The following SCARA5 variants were observed in gnomAD, a reference collection of about 807,000 sequenced individuals.
The protein encoded by SCARA5 is scavenger receptor class A, member 5 (putative).
A neutral mutation model predicts 46.3 loss-of-function variants in SCARA5; 45 were observed. That is an observed-to-expected ratio of 0.97 (90% confidence interval 0.76 to 1.24). The LOEUF is 1.24. SCARA5 is among the 50% of genes most tolerant of loss of function. The pLI is 0.00. For synonymous variants in SCARA5, 333 were observed against 306.5 expected (o/e 1.09, Z -0.90); for missense variants, 680 against 689.0 (o/e 0.99, Z 0.15).
chr8:27,917,422 A>G (rs1256497877), intron 4 of SCARA5, among the ~76,000 whole-genome samples: 2 of 152,188 alleles, frequency 1.3e-5, no homozygotes, highest in Admixed American at 1.3e-4. Flanking sequence ...GAGAGGGTAC[A>G]TTAGCAGGAG....
intron 3 of SCARA5, among the ~76,000 whole-genome samples, chr8:27,942,754 C>T (rs923890431): frequency 1.3e-5 from 2 of 151,768 alleles, no homozygotes; most frequent in African/African-American, 4.8e-5. Context: ...GGTTGGAGGG[C>T]TGGAAAAAAA....
At chr8:27,897,394 T>G (rs890142491) in intron 7 of SCARA5, among the ~76,000 whole-genome samples, 1 of 152,248 alleles carries the variant, frequency 6.6e-6, no homozygotes, top group Admixed American at 6.5e-5. Context: ...AAATAAACAG[T>G]CAAACCACTC....
intron 8 of SCARA5, among the ~76,000 whole-genome samples, chr8:27,872,832 G>T (rs1018605245): frequency 2.0e-5 from 3 of 152,202 alleles, no homozygotes; most frequent in African/African-American, 7.2e-5. Context: ...GCCCAAATAC[G>T]TATATAGGAT....
chr8:27,907,039 C>A, intron 6 of SCARA5, 109 bp downstream of exon 6: 1 of 704,778 alleles, frequency 1.4e-6, no homozygotes, highest in South Asian at 2.3e-5. Context: ...CAAGGTTGCC[C>A]CGCTGGTCCG....
intron 2 of SCARA5, 112 bp downstream of exon 2, chr8:27,987,392 C>A (rs1808719798): frequency 1.4e-6 from 1 of 737,656 alleles, no homozygotes; most frequent in Non-Finnish European, 2.5e-6. Flanking sequence ...TGCACTATTA[C>A]ATGAGGAGGT....
Position 27,871,777 on chromosome 8 carries a change from G to T in SCARA5, c.*157C>A. 6 of 1,470,350 alleles carry T rather than the reference G, an allele frequency of 4.1e-6. No individual in the cohort carries two copies. In the South Asian group the frequency reaches 8.3e-5, roughly 20 times the overall value. 91.1% of individuals were successfully genotyped at this position (1,470,350 alleles called of 1,614,324 possible). On this transcript the variant is annotated 3_prime_UTR_variant, in exon 9 of 9. Transcript: ENST00000354914. ...AGCACATGTTCAAGAGGGAAATGAC[G>T]ACCGGCCCCCACGGTCCTGGGATGC...
chr8:27,886,766 G>C (rs1320939052), intron 7 of SCARA5, among the ~76,000 whole-genome samples: 1 of 152,170 alleles, frequency 6.6e-6, no homozygotes, highest in Non-Finnish European at 1.5e-5. Context: ...TCTGCCCCAG[G>C]TCAAAGCTTT....
chr8:27,959,336 G>A (rs1418124144), intron 3 of SCARA5, among the ~76,000 whole-genome samples: 1 of 152,246 alleles, frequency 6.6e-6, no homozygotes, highest in East Asian at 1.9e-4. Flanking sequence ...CACCCCAGGA[G>A]TGGTGTCTAA....
At chr8:27,956,251 C>T (rs1294181277) in intron 3 of SCARA5, among the ~76,000 whole-genome samples, 1 of 152,104 alleles carries the variant, frequency 6.6e-6, no homozygotes, top group Non-Finnish European at 1.5e-5. Flanking sequence ...CACCATTACG[C>T]AATATACCCA....
chr8:27,915,344 G>A (rs1037852671), intron 4 of SCARA5, among the ~76,000 whole-genome samples: 6 of 152,176 alleles, frequency 3.9e-5, no homozygotes, highest in African/African-American at 9.7e-5. Flanking sequence ...GGTGGTGGGC[G>A]GGGCTGGGGG....
chr8:27,973,474 C>T (rs1195779890), intron 2 of SCARA5, among the ~76,000 whole-genome samples: 1 of 152,114 alleles, frequency 6.6e-6, no homozygotes, highest in East Asian at 1.9e-4. Context: ...GAGACTCTGT[C>T]TCAAATAAAT....
chr8:27,871,379 G>T lies in SCARA5; in HGVS notation c.*555C>A. 1 of 958,238 alleles carries T rather than the reference G, an allele frequency of 1.0e-6. No homozygotes were observed. The allele number at this position is 958,238 out of a possible 1,614,324, so 59.4% of individuals were successfully genotyped here. On this transcript the variant is annotated 3_prime_UTR_variant, in exon 9 of 9. Transcript: ENST00000354914. The stretch of plus-strand genomic sequence containing the variant: ...CTTGCATTTCCCTCTTGCCCCTACA[G>T]CTGGCTTCTCCTCTATGTCACTTCC...
chr8:27,976,734 A>G (rs981993305), intron 2 of SCARA5, among the ~76,000 whole-genome samples: 1 of 152,136 alleles, frequency 6.6e-6, no homozygotes, highest in African/African-American at 2.4e-5. Context: ...CGTGTCCCTG[A>G]AGCCTCCAGC....
intron 4 of SCARA5, among the ~76,000 whole-genome samples, chr8:27,914,206 C>T (rs904792949): frequency 6.6e-6 from 1 of 152,240 alleles, no homozygotes; most frequent in Non-Finnish European, 1.5e-5. Context: ...CCTTCACCTC[C>T]TGCCATGATT....
At chr8:27,875,177 CCCTCCCTCCCTCCCTCCCTTCACT>C (rs1302528984) in intron 8 of SCARA5, among the ~76,000 whole-genome samples, 4 of 145,990 alleles carry the variant, frequency 2.7e-5, no homozygotes, top group South Asian at 2.3e-4. Flanking sequence ...CTCTGTTCCT[CCCTCCCTCCCTCCCTCCCTTCACT>C]CCTCCCTCCC....
intron 3 of SCARA5, among the ~76,000 whole-genome samples, chr8:27,940,571 C>T (rs1807926648): frequency 6.6e-6 from 1 of 152,146 alleles, no homozygotes. Context: ...ACTATATCTA[C>T]TCTGCTGTAT....
intron 3 of SCARA5, among the ~76,000 whole-genome samples, chr8:27,962,498 C>A (rs11783561): frequency 0.2 from 30,763 of 152,076 alleles, 3,280 homozygotes; most frequent in East Asian, 0.42. Flanking sequence ...TGACAGTGTC[C>A]CAATAAAGGT....
At chr8:27,881,063 G>A (rs35016110) in intron 7 of SCARA5, among the ~76,000 whole-genome samples, 35,092 of 152,060 alleles carry the variant, frequency 0.23, 4,661 homozygotes, top group Middle Eastern at 0.39. Context: ...TGATAAGCCC[G>A]TGGAGAAAAG....
intron 8 of SCARA5, among the ~76,000 whole-genome samples, chr8:27,873,280 G>A (rs755176003): frequency 5.3e-5 from 8 of 151,830 alleles, no homozygotes; most frequent in Admixed American, 2.0e-4. Flanking sequence ...ATACCATCCC[G>A]CCAAAACTTT....
Sources: allele counts gnomAD v4.1 joint callset (sites outside exome capture counted in the v4.1 genomes callset), GRCh38; gene constraint gnomAD v4.1.1; transcripts MANE v1.5; gene names NCBI Gene and HGNC (gene_info 2026-07-23, HGNC 2026-07-21).